N4BP2: variants seen among roughly 807,000 people sequenced by gnomAD.
The protein encoded by N4BP2 is NEDD4-binding protein 2.
A neutral mutation model predicts 152.8 loss-of-function variants in N4BP2; 91 were observed. That is an observed-to-expected ratio of 0.60 (90% CI 0.50 to 0.71). The LOEUF (loss-of-function observed/expected upper bound fraction) is 0.71, where lower values mean the gene tolerates loss of function less well. Among genes scored for constraint, N4BP2 ranks in the 30% least tolerant of loss-of-function variants. The pLI, the probability that N4BP2 is intolerant of heterozygous loss-of-function variation, is 0.00. For synonymous variants in N4BP2, 646 were observed against 705.3 expected (o/e 0.92, Z 1.33); for missense variants, 1,923 against 2,059.1 (o/e 0.93, Z 1.28).
chr4:40,099,324 C>T (rs964127132), intron 3 of N4BP2, among the ~76,000 whole-genome samples: 3 of 152,186 alleles, frequency 2.0e-5, no homozygotes, highest in African/African-American at 7.2e-5. Flanking sequence ...CTCATGGCAA[C>T]CTCAGCCTCC....
intron 1 of N4BP2, among the ~76,000 whole-genome samples, chr4:40,070,527 C>T (rs1712045052): frequency 6.6e-6 from 1 of 152,086 alleles, no homozygotes; most frequent in Non-Finnish European, 1.5e-5. Context: ...TGGCTTACTG[C>T]AGCCTTGACC....
rs1440908067 is a variant in N4BP2 at position 40,158,155 on chromosome 4, C to T, written c.*3918C>T. 1 of 152,010 alleles carries T rather than the reference C, an allele frequency of 6.6e-6. No individual in the cohort carries two copies. Among genetic ancestry groups the T allele is most frequent in the African/African-American group, 2.4e-5 (1 of 41,392 alleles). The allele number at this position is 152,010 out of a possible 1,614,324, so 9.4% of individuals were successfully genotyped here. A position where few individuals can be genotyped will look rare whatever the true frequency, so the allele number is the denominator to read the frequency against. On this transcript the variant is annotated 3_prime_UTR_variant, in exon 18 of 18. Coordinates refer to ENST00000261435, the MANE Select transcript of N4BP2 (RefSeq NM_018177.6). ...ATGTAATTTTGCTGTTAACTCTGTA[C>T]TTTTTAAATTGAAAATGTTTTATAA...
At position 40,131,821 on chromosome 4, in the gene N4BP2, T is replaced by A; in HGVS notation, c.4548T>A (p.Phe1516Leu). 1 of 1,613,276 alleles carries A rather than the reference T, an allele frequency of 6.2e-7. No individual in the cohort carries two copies. Among genetic ancestry groups the A allele is most frequent in the Non-Finnish European group, 8.5e-7 (1 of 1,179,482 alleles). ...TTTAGAAAAGGGAGACCCTTATGTT[T>A]GAAAAAGATTGTGCCACTAAACTAA... is the stretch of plus-strand genomic sequence containing the variant. ...KHNLKRETLM[F>L]EKDCATKLKE... Residue 1516 changes from phenylalanine to leucine, a missense_variant, in exon 13 of 18, where the codon TTT becomes TTA. By Grantham distance (22) the Phe-to-Leu change is conservative. Coordinates refer to ENST00000261435, the MANE Select transcript of N4BP2 (RefSeq NM_018177.6).
chr4:40,155,107 A>C lies in N4BP2; in HGVS notation c.*870A>C, dbSNP rs1721481562. The C allele has an allele frequency of 6.6e-6, 1 of 152,242 alleles. No homozygotes were observed. 9.4% of individuals were successfully genotyped at this position (152,242 alleles called of 1,614,324 possible). The stretch of plus-strand genomic sequence containing the variant: ...AAATATAGAAAATATTTTGTTTATA[A>C]TTGGCCTGGTGTGGTGGCCCACGCC... On this transcript the variant is annotated 3_prime_UTR_variant, in exon 18 of 18. Transcript: ENST00000261435.
intron 7 of N4BP2, 107 bp downstream of exon 7, chr4:40,113,615 C>T (rs753407910): frequency 7.7e-6 from 6 of 777,936 alleles, no homozygotes; most frequent in Non-Finnish European, 1.3e-5. Flanking sequence ...TAGATTGTAA[C>T]TTAATTTCTA....
chr4:40,181,569 C>T, the N4BP2 span, among the ~76,000 whole-genome samples: 1 of 152,316 alleles, frequency 6.6e-6, no homozygotes, highest in South Asian at 2.1e-4. Flanking sequence ...GCTTTCTTCT[C>T]TCTTGTTCCT....
rs1405408797 is a variant in N4BP2 at position 40,117,901 on chromosome 4, TAAC to T, written c.1700_1702del (p.Thr567del). 2 of 1,611,080 alleles carry T rather than the reference TAAC, an allele frequency of 1.2e-6. No individual in the cohort carries two copies. Among genetic ancestry groups the T allele is most frequent in the Non-Finnish European group, 1.7e-6 (2 of 1,178,834 alleles). ...ATTCATGGGGTAAGCAAAGAAAAAA[TAAC>T]AAGAATGTTGGAACATTATCAACGT... On this transcript the variant is annotated inframe_deletion, in exon 8 of 18. Coordinates refer to ENST00000261435, the MANE Select transcript of N4BP2 (RefSeq NM_018177.6).
chr4:40,058,185 T>G (rs1733375648), intron 1 of N4BP2, among the ~76,000 whole-genome samples: 1 of 152,224 alleles, frequency 6.6e-6, no homozygotes, highest in Non-Finnish European at 1.5e-5. Flanking sequence ...TTCACTCCGT[T>G]TTTATTACTT....
rs1439143313 is a variant in N4BP2 at position 40,057,245 on chromosome 4, G to C, written c.-212+215G>C. On this transcript the variant is annotated intron_variant, in intron 1 of 17. Coordinates refer to ENST00000261435, the MANE Select transcript of N4BP2 (RefSeq NM_018177.6). ...CGGACGGAAGGGAAGTGAGGCGTCG[G>C]CGAGAGGCGGGCCCTGGCGCTCAGC... 4 of 152,410 alleles carry C rather than the reference G, an allele frequency of 2.6e-5. No homozygotes were observed. The East Asian group carries it at 7.8e-4, about 30-fold the overall frequency. 9.4% of individuals were successfully genotyped at this position (152,410 alleles called of 1,614,324 possible).
chr4:40,143,844 A>G (rs1720271654), intron 15 of N4BP2, among the ~76,000 whole-genome samples: 1 of 152,184 alleles, frequency 6.6e-6, no homozygotes, highest in Non-Finnish European at 1.5e-5. Context: ...AGAGTTCTCT[A>G]GAGAGACAGA....
intron 7 of N4BP2, among the ~76,000 whole-genome samples, chr4:40,115,209 T>C (rs890397659): frequency 3.9e-5 from 6 of 152,218 alleles, no homozygotes; most frequent in Non-Finnish European, 8.8e-5. Context: ...AAAATTTCCC[T>C]ATGTATGCCA....
At chr4:40,171,236 A>T in the N4BP2 span, among the ~76,000 whole-genome samples, 1 of 152,174 alleles carries the variant, frequency 6.6e-6, no homozygotes, top group Non-Finnish European at 1.5e-5. Context: ...TGTCACTTTC[A>T]TCGTTTGTCC....
downstream of N4BP2, among the ~76,000 whole-genome samples, chr4:40,159,647 G>C (rs945262720): frequency 6.6e-6 from 1 of 152,172 alleles, no homozygotes; most frequent in Non-Finnish European, 1.5e-5. Context: ...CCAGAACCTA[G>C]TCATGTCATA....
intron 1 of N4BP2, among the ~76,000 whole-genome samples, chr4:40,065,262 T>G (rs2109888608): frequency 6.6e-6 from 1 of 152,324 alleles, no homozygotes; most frequent in East Asian, 1.9e-4. Context: ...TTGAAAGCTA[T>G]AGAGAGTCAT....
chr4:40,063,847 G>C (rs1733837694), intron 1 of N4BP2, among the ~76,000 whole-genome samples: 1 of 152,152 alleles, frequency 6.6e-6, no homozygotes, highest in South Asian at 2.1e-4. Flanking sequence ...GTTTCACCAT[G>C]TTGGCCAGGT....
Position 40,156,147 on chromosome 4 carries a change from A to C in N4BP2, c.*1910A>C, listed in dbSNP as rs1464933597. On this transcript the variant is annotated 3_prime_UTR_variant, in exon 18 of 18. Transcript: ENST00000261435. ...ACATTAGTATGATTTAAGGGTATGA[A>C]AAACAGTGCTAAAATGTGGAGTTAA... 6.6e-6 allele frequency: 1 copy of C among 152,206 alleles called. No homozygotes were observed. Among genetic ancestry groups the C allele is most frequent in the Admixed American group, 6.5e-5 (1 of 15,284 alleles). The allele number at this position is 152,206 out of a possible 1,614,324, so 9.4% of individuals were successfully genotyped here. A position where few individuals can be genotyped will look rare whatever the true frequency, so the allele number is the denominator to read the frequency against.
At chr4:40,158,649 G>A (rs1255153559), downstream of N4BP2, among the ~76,000 whole-genome samples, 3 of 152,094 alleles carry the variant, frequency 2.0e-5, no homozygotes, top group Admixed American at 2.0e-4. Context: ...AATTAGCCAG[G>A]CATGGTGGCA....
At chr4:40,071,427 G>C in intron 1 of N4BP2, among the ~76,000 whole-genome samples, 1 of 152,140 alleles carries the variant, frequency 6.6e-6, no homozygotes, top group East Asian at 1.9e-4. Context: ...ATAATGTCAG[G>C]TCCCACTATT....
chr4:40,089,739 G>A (rs932839188), intron 2 of N4BP2, among the ~76,000 whole-genome samples: 6 of 152,000 alleles, frequency 3.9e-5, no homozygotes, highest in Non-Finnish European at 7.4e-5. Flanking sequence ...ACCCAGCCAC[G>A]ATCAGTTTTT....
Sources: allele counts gnomAD v4.1 joint callset (sites outside exome capture counted in the v4.1 genomes callset), GRCh38; gene constraint gnomAD v4.1.1; transcripts MANE v1.5; gene names NCBI Gene and HGNC (gene_info 2026-07-23, HGNC 2026-07-21).